The following URI1 variants were observed in gnomAD, a reference collection of about 807,000 sequenced individuals.
URI1 encodes URI1 prefoldin like chaperone, also known as unconventional prefoldin RPB5 interactor 1.
Under a neutral mutation model 60.2 loss-of-function variants are expected in URI1, and 39 were observed. The ratio of observed to expected loss-of-function variants is 0.65; its 90% CI spans 0.50 to 0.85. The LOEUF (loss-of-function observed/expected upper bound fraction) is 0.85, where lower values mean the gene tolerates loss of function less well. Among genes scored for constraint, URI1 ranks in the 40% least tolerant of loss-of-function variants. The pLI is 0.00. For synonymous variants in URI1, 251 were observed against 236.8 expected, an observed-to-expected ratio of 1.06 and a Z score of -0.55; for missense variants, 691 against 665.9, an observed-to-expected ratio of 1.04 and a Z score of -0.42.
In URI1 at chr19:29,929,474, G is replaced by A. The variant is rs184658325; in HGVS notation, c.63+5720G>A. Among the ~76,000 whole-genome samples, 198 of 152,196 alleles carry A rather than the reference G, an allele frequency of 1.3e-3. 2 individuals carry two copies. Among genetic ancestry groups the A allele is most frequent in the Middle Eastern group, 6.8e-3 (2 of 294 alleles). On this transcript the variant is annotated intron_variant, in intron 1 of 10. Coordinates refer to the URI1 transcript ENST00000360605. ...TAGCGGGGTGTGGTGGCAGGTGCCT[G>A]TAATCCCAGCTACTTGGGAGGCTGA...
At chr19:29,991,959 C>G (rs186607048) in intron 4 of URI1, among the ~76,000 whole-genome samples, 4 of 152,206 alleles carry the variant, frequency 2.6e-5, no homozygotes, top group Non-Finnish European at 4.4e-5. Context: ...TGTATTCTTT[C>G]ATGTATTACT....
At chr19:29,953,639 A>G (rs2055206782) in intron 1 of URI1, among the ~76,000 whole-genome samples, 1 of 151,884 alleles carries the variant, frequency 6.6e-6, no homozygotes, top group South Asian at 2.1e-4. Context: ...TGTTGATTGC[A>G]TTATCCTTCT....
Position 30,015,560 on chromosome 19 carries a change from A to G in URI1, c.*491A>G. The G allele has an allele frequency of 6.5e-7, 1 of 1,535,306 alleles. No individual in the cohort carries two copies. The highest frequency in any genetic ancestry group is 8.7e-7 in the Non-Finnish European group (1 of 1,146,378). On this transcript the variant is annotated 3_prime_UTR_variant, in exon 11 of 11. Transcript: ENST00000392271. ...GGTTTTGCGGCTAGTTGGCTATTCA[A>G]GAAACCTCGCCCCTCTGAATGTCAT...
At chr19:29,992,992 G>C (rs1194594225) in intron 4 of URI1, among the ~76,000 whole-genome samples, 1 of 152,150 alleles carries the variant, frequency 6.6e-6, no homozygotes, top group Non-Finnish European at 1.5e-5. Context: ...GATCTTAATA[G>C]ATTTTCCTTT....
upstream of URI1, among the ~76,000 whole-genome samples, chr19:29,937,396 CT>C (rs1303942573): frequency 6.6e-6 from 1 of 152,082 alleles, no homozygotes; most frequent in Non-Finnish European, 1.5e-5. Context: ...TTTTTTCCCC[CT>C]GTGAATAGGC....
chr19:29,967,581 T>C (rs907301331), intron 1 of URI1, among the ~76,000 whole-genome samples: 7 of 152,230 alleles, frequency 4.6e-5, no homozygotes, highest in East Asian at 1.9e-4. Context: ...ACTGACATGA[T>C]TGGCAAGGTC....
rs1833604647 is a variant in URI1, at chr19:29,957,758, A to G, written c.118-13435A>G. 3.3e-5 allele frequency among the ~76,000 whole-genome samples: 5 copies of G among 152,176 alleles called. No homozygotes were observed. The South Asian group carries it at 1.0e-3, about 31-fold the overall frequency. Reference sequence around the variant, plus strand: ...TTTACAATATTAAGTTTTAAAATCTATGAACATGGTATATCAATTTATTTA... The same window carrying G: ...TTTACAATATTAAGTTTTAAAATCTGTGAACATGGTATATCAATTTATTTA... On this transcript the variant is annotated intron_variant, in intron 1 of 10. Transcript: ENST00000392271.
chr19:30,006,557 A>AG (rs1326166528), intron 6 of URI1, among the ~76,000 whole-genome samples: 5 of 152,150 alleles, frequency 3.3e-5, no homozygotes, highest in African/African-American at 1.2e-4. Context: ...TGAGCGCTAC[A>AG]GGTCTGAAAT....
intron 2 of URI1, among the ~76,000 whole-genome samples, chr19:29,981,518 C>G (rs2055597543): frequency 6.6e-6 from 1 of 151,632 alleles, no homozygotes; most frequent in South Asian, 2.1e-4. Flanking sequence ...AAAAGGTACT[C>G]TCAAAAGGCA....
In URI1 at chr19:29,950,002, G is replaced by C. The variant is rs140475350; in HGVS notation, c.117+7338G>C. Among the ~76,000 whole-genome samples the C allele has an allele frequency of 7.4e-4, 113 of 152,316 alleles. 1 individual carries two copies. The highest frequency in any genetic ancestry group is 2.7e-3 in the African/African-American group (111 of 41,574). On this transcript the variant is annotated intron_variant, in intron 1 of 10. Coordinates refer to ENST00000392271, the MANE Select transcript of URI1 (RefSeq NM_003796.3). Reference sequence around the variant, plus strand: ...CACAGTTGTAAGAATATGTTTGCTTGTATAGCCGAAGGCACATTCCGTTTT... The same window carrying C: ...CACAGTTGTAAGAATATGTTTGCTTCTATAGCCGAAGGCACATTCCGTTTT...
intron 1 of URI1, among the ~76,000 whole-genome samples, chr19:29,949,776 G>A (rs1167002408): frequency 2.0e-5 from 3 of 151,826 alleles, no homozygotes; most frequent in South Asian, 2.1e-4. Flanking sequence ...CAGGCGTGGC[G>A]GCGCGCGCCT....
At chr19:29,997,467 T>C (rs1026147283) in intron 4 of URI1, among the ~76,000 whole-genome samples, 2 of 152,158 alleles carry the variant, frequency 1.3e-5, no homozygotes, top group African/African-American at 4.8e-5. Context: ...GATTTGTCAA[T>C]TTTGTTGATC....
intron 8 of URI1, among the ~76,000 whole-genome samples, chr19:30,010,387 T>TA (rs747146330): frequency 1.3e-5 from 2 of 152,250 alleles, no homozygotes; most frequent in Non-Finnish European, 2.9e-5. Flanking sequence ...CTTCCCCTGA[T>TA]TCTTCGGGAA....
chr19:29,989,865 G>A (rs2055724296), intron 4 of URI1, among the ~76,000 whole-genome samples: 1 of 151,494 alleles, frequency 6.6e-6, no homozygotes, highest in African/African-American at 2.4e-5. Flanking sequence ...TCTCTTAACA[G>A]TGTCTTTCCA....
chr19:29,980,733 C>T (rs968664010), intron 2 of URI1, among the ~76,000 whole-genome samples: 2 of 150,086 alleles, frequency 1.3e-5, no homozygotes, highest in African/African-American at 4.9e-5. Flanking sequence ...ACCAGCCTGA[C>T]CAACATGGTG....
At chr19:29,963,171 T>A (rs2055348194) in intron 1 of URI1, among the ~76,000 whole-genome samples, 1 of 152,208 alleles carries the variant, frequency 6.6e-6, no homozygotes, top group Non-Finnish European at 1.5e-5. Flanking sequence ...GATATCAGTT[T>A]TAGAAAATCC....
At chr19:30,004,842 G>T (rs1161511554) in intron 4 of URI1, among the ~76,000 whole-genome samples, 11 of 151,996 alleles carry the variant, frequency 7.2e-5, no homozygotes, top group Non-Finnish European at 2.9e-5. Context: ...ATGTTGAAAG[G>T]CTGTGTGTTG....
At chr19:29,937,326 T>C (rs1487414442), upstream of URI1, among the ~76,000 whole-genome samples, 2 of 152,264 alleles carry the variant, frequency 1.3e-5, no homozygotes, top group Non-Finnish European at 1.5e-5. Flanking sequence ...GTTGATTTAA[T>C]GTCTTTGACT....
intron 1 of URI1, among the ~76,000 whole-genome samples, chr19:29,950,016 A>G (rs947156566): frequency 3.6e-4 from 55 of 152,366 alleles, no homozygotes; most frequent in African/African-American, 1.2e-3. Context: ...AGCCGAAGGC[A>G]CATTCCGTTT....
Sources: allele counts gnomAD v4.1 joint callset (sites outside exome capture counted in the v4.1 genomes callset), GRCh38; gene constraint gnomAD v4.1.1; transcripts MANE v1.5; gene names NCBI Gene and HGNC (gene_info 2026-07-23, HGNC 2026-07-21).